The following VWC2 variants were observed in gnomAD, a reference collection of about 807,000 sequenced individuals.
The protein encoded by VWC2 is brorin.
In VWC2, 14 loss-of-function variants were observed where a neutral mutation model predicts 29.8. That is an observed-to-expected ratio of 0.47 (90% confidence interval 0.31 to 0.74). The LOEUF (loss-of-function observed/expected upper bound fraction) is 0.74. Among genes scored for constraint, VWC2 ranks in the 30% least tolerant of loss-of-function variants. VWC2 has a pLI of 0.05. For missense variants in VWC2, 457 were observed against 459.8 expected (o/e 0.99, Z 0.05); for synonymous variants, 213 against 199.0 (o/e 1.07, Z -0.59).
chr7:49,888,865 C>T (rs1015620583), intron 3 of VWC2, among the ~76,000 whole-genome samples: 4 of 152,098 alleles, frequency 2.6e-5, no homozygotes, highest in South Asian at 2.1e-4. Flanking sequence ...GAGCTGAGAT[C>T]GCACCATCAC....
intron 3 of VWC2, among the ~76,000 whole-genome samples, chr7:49,911,480 C>CAAAAAA (rs34782644): frequency 1.4e-5 from 1 of 71,596 alleles, no homozygotes; most frequent in African/African-American, 6.2e-5. Context: ...GACTCTGTCT[C>CAAAAAA]AAAAAAAAAA....
chr7:49,878,743 G>T (rs1462030149), intron 3 of VWC2, among the ~76,000 whole-genome samples: 2 of 152,082 alleles, frequency 1.3e-5, no homozygotes, highest in Non-Finnish European at 2.9e-5. Context: ...ATTTTCTCCT[G>T]TACTGCTGAT....
At chr7:49,821,642 A>G (rs954119050) in intron 3 of VWC2, among the ~76,000 whole-genome samples, 1 of 152,176 alleles carries the variant, frequency 6.6e-6, no homozygotes, top group Non-Finnish European at 1.5e-5. Context: ...GTTAGTAATT[A>G]AAAACAAATC....
chr7:49,910,637 CTCTT>C (rs1472860109), intron 3 of VWC2, among the ~76,000 whole-genome samples: 1 of 152,188 alleles, frequency 6.6e-6, no homozygotes, highest in Non-Finnish European at 1.5e-5. Flanking sequence ...AACGTTGGAA[CTCTT>C]TCTGATACTC....
At chr7:49,838,667 T>C (rs1789722575) in intron 3 of VWC2, among the ~76,000 whole-genome samples, 1 of 152,070 alleles carries the variant, frequency 6.6e-6, no homozygotes, top group Non-Finnish European at 1.5e-5. Context: ...AGGGAAGGAT[T>C]AACCAACATC....
chr7:49,910,601 CT>C (rs973122418), intron 3 of VWC2, among the ~76,000 whole-genome samples: 3 of 61,962 alleles, frequency 4.8e-5, no homozygotes, highest in Non-Finnish European at 1.0e-4. Context: ...AGCCATTAAT[CT>C]TTTAAAAAAA....
intron 3 of VWC2, among the ~76,000 whole-genome samples, chr7:49,833,828 C>G (rs553477312): frequency 7.2e-5 from 11 of 152,152 alleles, no homozygotes; most frequent in African/African-American, 2.7e-4. Flanking sequence ...AAGCAACTTA[C>G]CATCGTAACT....
chr7:49,840,858 C>A (rs966116958), intron 3 of VWC2, among the ~76,000 whole-genome samples: 5 of 152,174 alleles, frequency 3.3e-5, no homozygotes, highest in African/African-American at 1.2e-4. Flanking sequence ...TTCTCTGACC[C>A]CCGAGTCAGA....
At chr7:49,910,286 G>C (rs917998642) in intron 3 of VWC2, among the ~76,000 whole-genome samples, 1 of 152,118 alleles carries the variant, frequency 6.6e-6, no homozygotes, top group Non-Finnish European at 1.5e-5. Context: ...TTATTCAAAG[G>C]CCAGTTGTTA....
At chr7:49,873,275 C>G (rs983114944) in intron 3 of VWC2, among the ~76,000 whole-genome samples, 2 of 152,088 alleles carry the variant, frequency 1.3e-5, no homozygotes, top group African/African-American at 4.8e-5. Flanking sequence ...TATCAAGAGG[C>G]CTGCAGATTC....
At position 49,775,534 on chromosome 7, in the gene VWC2, G is replaced by T; in HGVS notation, c.99G>T (p.Leu33=). The change falls in exon 2 of 4, where the codon CTG becomes CTT. Residue 33 remains leucine (L), a synonymous_variant. Coordinates refer to ENST00000340652, the MANE Select transcript of VWC2 (RefSeq NM_198570.5). Reference sequence around the variant, plus strand: ...CTCTGTGCAGTCCGAGCATCCCGCTGGAGAAGCTGGCCCAGGCACCAGAGC... The same window carrying T: ...CTCTGTGCAGTCCGAGCATCCCGCTTGAGAAGCTGGCCCAGGCACCAGAGC... ...MVALCSPSIP[L]EKLAQAPEQP... is the part of the protein sequence containing the mutation. 6.4e-7 allele frequency: 1 copy of T among 1,570,696 alleles called. No homozygotes were observed.
intron 3 of VWC2, among the ~76,000 whole-genome samples, chr7:49,832,361 G>A (rs112195499): frequency 0.014 from 2,197 of 152,082 alleles, 34 homozygotes; most frequent in African/African-American, 0.036. Flanking sequence ...AACAGAATTT[G>A]CTGAGAAATA....
chr7:49,862,257 AT>A (rs1790679569), intron 3 of VWC2, among the ~76,000 whole-genome samples: 1 of 152,042 alleles, frequency 6.6e-6, no homozygotes, highest in Non-Finnish European at 1.5e-5. Flanking sequence ...GCTCTCTTAA[AT>A]TTCTTTTCAA....
At chr7:49,905,568 C>T (rs1156765521) in intron 3 of VWC2, among the ~76,000 whole-genome samples, 1 of 152,104 alleles carries the variant, frequency 6.6e-6, no homozygotes, top group African/African-American at 2.4e-5. Flanking sequence ...TATTTGTGTG[C>T]ATTGTACTTT....
At chr7:49,802,440 C>T (rs1208766693) in intron 2 of VWC2, among the ~76,000 whole-genome samples, 1 of 152,132 alleles carries the variant, frequency 6.6e-6, no homozygotes, top group Non-Finnish European at 1.5e-5. Context: ...GAGTTCAAGA[C>T]CAGCCTGGCC....
rs749075269 is a variant in VWC2 at position 49,775,573 on chromosome 7, G to T, written c.138G>T (p.Glu46Asp). Residue 46 changes from glutamate (E) to aspartate (D), a missense_variant, in exon 2 of 4, where the codon GAG (glutamate) becomes GAT (aspartate). By Grantham distance (45) the Glu-to-Asp change is conservative. This residue lies in a region of VWC2 where 272 missense variants were observed against 202.7 expected (regional missense o/e 1.34). Transcript: ENST00000340652. ...LAQAPEQPGQ[E>D]KREHASRDGP... ...AGGCACCAGAGCAGCCGGGCCAGGA[G>T]AAGCGTGAGCACGCCTCTCGGGACG... is the stretch of plus-strand genomic sequence containing the variant. The T allele has an allele frequency of 1.3e-6, 2 of 1,542,504 alleles. No homozygotes were observed. Among genetic ancestry groups the T allele is most frequent in the Non-Finnish European group, 1.7e-6 (2 of 1,146,560 alleles).
At chr7:49,893,639 T>TA (rs1015575235) in intron 3 of VWC2, among the ~76,000 whole-genome samples, 3 of 71,712 alleles carry the variant, frequency 4.2e-5, no homozygotes, top group African/African-American at 1.4e-4. Flanking sequence ...AAACCAGTTT[T>TA]TTTTTTTTTT....
At chr7:49,794,455 G>C (rs1444462557) in intron 2 of VWC2, among the ~76,000 whole-genome samples, 1 of 152,192 alleles carries the variant, frequency 6.6e-6, no homozygotes, top group African/African-American at 2.4e-5. Context: ...GTTGGAATTT[G>C]CATCCATGCC....
rs979472882 is a variant in VWC2 at position 49,917,387 on chromosome 7, A to G, written c.*5202A>G. 3 of 152,218 alleles carry G rather than the reference A, an allele frequency of 2.0e-5. No individual in the cohort carries two copies. Among genetic ancestry groups the G allele is most frequent in the African/African-American group, 7.2e-5 (3 of 41,462 alleles). The allele number at this position is 152,218 out of a possible 1,614,324, so 9.4% of individuals were successfully genotyped here. A position where few individuals can be genotyped will look rare whatever the true frequency, so the allele number is the denominator to read the frequency against. On this transcript the variant is annotated 3_prime_UTR_variant, in exon 4 of 4. Coordinates refer to ENST00000340652, the MANE Select transcript of VWC2 (RefSeq NM_198570.5). ...AATCACCCTGAAAAGTATTCAGCCA[A>G]AGTTTCAATAGAATTAGGAAACTTA...
Sources: allele counts gnomAD v4.1 joint callset (sites outside exome capture counted in the v4.1 genomes callset), GRCh38; gene constraint gnomAD v4.1.1; regional missense constraint gnomAD v4.1.1; transcripts MANE v1.5; gene names NCBI Gene and HGNC (gene_info 2026-07-23, HGNC 2026-07-21).